The following OSBPL6 variants were observed in gnomAD, a reference collection of about 807,000 sequenced individuals.
The protein encoded by OSBPL6 is oxysterol-binding protein-related protein 6.
In OSBPL6, 49 loss-of-function variants were observed where a neutral mutation model predicts 125.8. The ratio of observed to expected loss-of-function variants is 0.39; its 90% confidence interval spans 0.31 to 0.49. The LOEUF (loss-of-function observed/expected upper bound fraction) is 0.49. Ranked by LOEUF, OSBPL6 falls within the 20% of genes least tolerant of loss-of-function variation. The pLI, the probability that OSBPL6 is intolerant of heterozygous loss-of-function variation, is 0.88. For synonymous variants in OSBPL6, 394 were observed against 391.8 expected, an observed-to-expected ratio of 1.01 and a Z score of -0.07; for missense variants, 986 against 1,135.4, an observed-to-expected ratio of 0.87 and a Z score of 1.89.
chr2:178,282,873 G>A (rs558648040), intron 1 of OSBPL6, among the ~76,000 whole-genome samples: 14 of 152,190 alleles, frequency 9.2e-5, no homozygotes, highest in Admixed American at 5.2e-4. Context: ...AGCTGGTCTC[G>A]ATCTCCTGAC....
intron 12 of OSBPL6, among the ~76,000 whole-genome samples, chr2:178,350,193 G>A (rs111435382): frequency 4.6e-5 from 7 of 152,272 alleles, no homozygotes; most frequent in African/African-American, 9.6e-5. Context: ...ATAATCAGCC[G>A]CAGAGAGTAG....
intron 11 of OSBPL6, among the ~76,000 whole-genome samples, chr2:178,340,055 T>A (rs1361667337): frequency 1.3e-5 from 2 of 152,154 alleles, no homozygotes; most frequent in Admixed American, 6.5e-5. Context: ...TAACAAAAAG[T>A]TACCTTAAAA....
At chr2:178,391,640 ATAAG>A (rs1368268564) in intron 22 of OSBPL6, among the ~76,000 whole-genome samples, 1 of 152,372 alleles carries the variant, frequency 6.6e-6, no homozygotes, top group East Asian at 1.9e-4. Context: ...ACTCACCAGA[ATAAG>A]TAATCTTTTC....
chr2:178,363,521 T>C (rs1329346628), intron 13 of OSBPL6, among the ~76,000 whole-genome samples: 1 of 152,148 alleles, frequency 6.6e-6, no homozygotes, highest in Non-Finnish European at 1.5e-5. Flanking sequence ...TGGTGCACAT[T>C]TCCCGGGCTC....
upstream of OSBPL6, among the ~76,000 whole-genome samples, chr2:178,194,128 GCCGGA>G (rs2088687895): frequency 6.6e-6 from 1 of 152,168 alleles, no homozygotes; most frequent in Non-Finnish European, 1.5e-5. Context: ...GCTCACCTCC[GCCGGA>G]CTGCGCGGGG....
At chr2:178,197,704 C>T (rs2088988050) in intron 1 of OSBPL6, among the ~76,000 whole-genome samples, 1 of 151,982 alleles carries the variant, frequency 6.6e-6, no homozygotes, top group African/African-American at 2.4e-5. Flanking sequence ...TATCTTATTA[C>T]ACTGTATTTA....
At chr2:178,395,339 A>G in intron 24 of OSBPL6, 112 bp from the exon 25 acceptor site, 1 of 658,272 alleles carries the variant, frequency 1.5e-6, no homozygotes, top group African/African-American at 1.8e-5. Context: ...ATAAGATACT[A>G]ACTGGCTTAC....
chr2:178,382,035 TG>T (rs1360707993), intron 15 of OSBPL6, among the ~76,000 whole-genome samples: 2 of 152,256 alleles, frequency 1.3e-5, no homozygotes, highest in Non-Finnish European at 2.9e-5. Context: ...CAGCCTCTCC[TG>T]AGTCCTCTAA....
At chr2:178,264,698 G>T (rs2092172265) in intron 1 of OSBPL6, among the ~76,000 whole-genome samples, 1 of 152,092 alleles carries the variant, frequency 6.6e-6, no homozygotes. Context: ...CCCTTACATT[G>T]GGAATCATTT....
At chr2:178,224,864 G>A (rs1169318774) in intron 1 of OSBPL6, among the ~76,000 whole-genome samples, 2 of 152,168 alleles carry the variant, frequency 1.3e-5, no homozygotes, top group Non-Finnish European at 2.9e-5. Context: ...AAGCCCGGAT[G>A]GCAGAGATTG....
chr2:178,289,513 T>C (rs1178399381), intron 2 of OSBPL6, among the ~76,000 whole-genome samples: 1 of 152,224 alleles, frequency 6.6e-6, no homozygotes, highest in Non-Finnish European at 1.5e-5. Flanking sequence ...CATATTTTAA[T>C]ATGCACATTT....
At chr2:178,301,077 A>G (rs1383659750) in intron 2 of OSBPL6, among the ~76,000 whole-genome samples, 1 of 152,098 alleles carries the variant, frequency 6.6e-6, no homozygotes, top group Non-Finnish European at 1.5e-5. Context: ...TTTTTGAACA[A>G]TTCAACCTGA....
intron 1 of OSBPL6, among the ~76,000 whole-genome samples, chr2:178,207,363 T>A (rs2089594567): frequency 6.6e-6 from 1 of 152,202 alleles, no homozygotes; most frequent in South Asian, 2.1e-4. Context: ...TGCCTCTGTC[T>A]TACAAGGATA....
intron 1 of OSBPL6, among the ~76,000 whole-genome samples, chr2:178,222,697 G>GT (rs2090394907): frequency 6.6e-6 from 1 of 152,080 alleles, no homozygotes; most frequent in African/African-American, 2.4e-5. Context: ...AAAATTAATT[G>GT]TAAGTCCTTT....
chr2:178,270,553 G>A (rs546712709), intron 1 of OSBPL6, among the ~76,000 whole-genome samples: 2 of 152,268 alleles, frequency 1.3e-5, no homozygotes, highest in Admixed American at 6.5e-5. Flanking sequence ...TTCCAGACAC[G>A]GGGCTCTTAG....
At chr2:178,303,464 T>A (rs1208794403) in intron 2 of OSBPL6, among the ~76,000 whole-genome samples, 1 of 152,166 alleles carries the variant, frequency 6.6e-6, no homozygotes, top group Non-Finnish European at 1.5e-5. Context: ...ACATTCAGGG[T>A]GACATAATCC....
intron 1 of OSBPL6, among the ~76,000 whole-genome samples, chr2:178,262,188 T>C (rs2092086153): frequency 6.6e-6 from 1 of 152,212 alleles, no homozygotes; most frequent in Admixed American, 6.5e-5. Flanking sequence ...TAGGAAAATT[T>C]AGGATAAAGC....
At chr2:178,301,965 T>C (rs2154055757) in intron 2 of OSBPL6, among the ~76,000 whole-genome samples, 1 of 152,296 alleles carries the variant, frequency 6.6e-6, no homozygotes. Flanking sequence ...TTATCAGCCT[T>C]CAGGACTGTG....
At chr2:178,374,171 G>C in intron 15 of OSBPL6, 144 bp downstream of exon 15, 1 of 1,023,076 alleles carries the variant, frequency 9.8e-7, no homozygotes, top group Non-Finnish European at 1.4e-6. Context: ...TTGCAGCAAA[G>C]CTAAAAGCAT....
Sources: allele counts gnomAD v4.1 joint callset (sites outside exome capture counted in the v4.1 genomes callset), GRCh38; gene constraint gnomAD v4.1.1; transcripts MANE v1.5; gene names NCBI Gene and HGNC (gene_info 2026-07-23, HGNC 2026-07-21).